Variants in CREG1 observed in about 807,000 individuals in gnomAD.
CREG1 encodes the protein protein CREG1.
CREG1 carries 20 observed loss-of-function variants against 19.9 expected under a neutral mutation model. The ratio of observed to expected loss-of-function variants is 1.01; its 90% CI spans 0.71 to 1.46. CREG1 has a LOEUF of 1.46. CREG1 is among the 40% of genes most tolerant of loss of function. The pLI is 0.00. For missense variants in CREG1, 290 were observed against 314.9 expected (o/e 0.92, Z 0.60); for synonymous variants, 141 against 143.3 (o/e 0.98, Z 0.12).
chr1:167,544,871 G>C (rs1299962257), intron 3 of CREG1, among the ~76,000 whole-genome samples: 1 of 152,146 alleles, frequency 6.6e-6, no homozygotes, highest in African/African-American at 2.4e-5. Flanking sequence ...AGCTGTTATT[G>C]TTACTGTTCT....
chr1:167,549,510 G>T (rs534474478), intron 1 of CREG1, among the ~76,000 whole-genome samples: 1 of 151,666 alleles, frequency 6.6e-6, no homozygotes, highest in Non-Finnish European at 1.5e-5. Flanking sequence ...TCAGCCTCCC[G>T]AGTAGCTGGG....
At chr1:167,542,587 G>C (rs528669441) in intron 3 of CREG1, among the ~76,000 whole-genome samples, 2 of 152,338 alleles carry the variant, frequency 1.3e-5, no homozygotes, top group East Asian at 3.9e-4. Context: ...CTAGGATGTA[G>C]CAAGAAGCAG....
intron 1 of CREG1, among the ~76,000 whole-genome samples, chr1:167,551,820 T>C (rs1656427542): frequency 6.6e-6 from 1 of 152,152 alleles, no homozygotes; most frequent in African/African-American, 2.4e-5. Flanking sequence ...TGAGTTTGTT[T>C]TGAGCAAACG....
At chr1:167,549,655 T>C (rs1295277046) in intron 1 of CREG1, among the ~76,000 whole-genome samples, 1 of 151,956 alleles carries the variant, frequency 6.6e-6, no homozygotes, top group Non-Finnish European at 1.5e-5. Flanking sequence ...AGTGCTGGGA[T>C]TACAGGCGTG....
rs374431703 is a variant in CREG1 at position 167,542,074 on chromosome 1, C to T, written c.*224G>A. 2.8e-5 allele frequency: 12 copies of T among 436,020 alleles called. No individual in the cohort carries two copies. Among genetic ancestry groups the T allele is most frequent in the East Asian group, 6.9e-5 (2 of 28,804 alleles). 27.0% of individuals were successfully genotyped at this position (436,020 alleles called of 1,614,324 possible). ...GAAGGATATTTCTCTACGAAAATGG[C>T]TTCAAAATAGGAAAAAAGTAGCTAC... On this transcript the variant is annotated 3_prime_UTR_variant, in exon 4 of 4. Transcript: ENST00000370509.
At chr1:167,546,365 C>T (rs187670406) in intron 2 of CREG1, 80 bp from the exon 3 acceptor site, 97 of 1,028,004 alleles carry the variant, frequency 9.4e-5, no homozygotes, top group Non-Finnish European at 1.3e-4. Flanking sequence ...GTGATTAGGC[C>T]GGGTGCAGTG....
At chr1:167,552,989 G>A (rs1656445462) in intron 1 of CREG1, among the ~76,000 whole-genome samples, 1 of 151,090 alleles carries the variant, frequency 6.6e-6, no homozygotes, top group Non-Finnish European at 1.5e-5. Flanking sequence ...AGAGGTTGCA[G>A]TAAGCTGAGA....
At chr1:167,544,262 A>G (rs2102149001) in intron 3 of CREG1, among the ~76,000 whole-genome samples, 1 of 152,200 alleles carries the variant, frequency 6.6e-6, no homozygotes, top group South Asian at 2.1e-4. Flanking sequence ...GAGCCAGACA[A>G]TCATTCCTAA....
chr1:167,552,716 G>A (rs1477764938), intron 1 of CREG1, among the ~76,000 whole-genome samples: 1 of 152,220 alleles, frequency 6.6e-6, no homozygotes, highest in African/African-American at 2.4e-5. Context: ...AAGTGCTTAA[G>A]TACCTAACAA....
In CREG1 at chr1:167,542,131, A is replaced by G. The variant is rs1262334666; in HGVS notation, c.*167T>C. On this transcript the variant is annotated 3_prime_UTR_variant, in exon 4 of 4. Coordinates refer to ENST00000370509, the MANE Select transcript of CREG1 (RefSeq NM_003851.3). ...TTCCAGGAAATCCAATAACAGGTCA[A>G]CTCTATTGGTAAACAAGCAAGTAAA... 3.6e-6 allele frequency: 2 copies of G among 560,474 alleles called. No individual in the cohort carries two copies. The highest frequency in any genetic ancestry group is 6.2e-5 in the Admixed American group (2 of 32,478). The allele number at this position is 560,474 out of a possible 1,614,324, so 34.7% of individuals were successfully genotyped here.
chr1:167,547,869 C>T (rs1278588396), intron 2 of CREG1, 133 bp downstream of exon 2: 12 of 955,616 alleles, frequency 1.3e-5, no homozygotes, highest in East Asian at 5.6e-5. Flanking sequence ...TGCAGTAAGC[C>T]GAGATCACAC....
chr1:167,550,655 C>T (rs1224953257), intron 1 of CREG1, among the ~76,000 whole-genome samples: 1 of 152,086 alleles, frequency 6.6e-6, no homozygotes, highest in Non-Finnish European at 1.5e-5. Context: ...AGATCAAAAG[C>T]AGCTTGTTTC....
In CREG1 at chr1:167,553,383, C is replaced by G. The variant is rs1656456817; in HGVS notation, c.354+5G>C. ...CGCCTGGGGAAGCCGCGGGCCCCAG[C>G]TCACCTGCAGGTTGCTCACGGAGAG... On this transcript the variant is annotated splice_donor_5th_base_variant and intron_variant, in intron 1 of 3. Coordinates refer to ENST00000370509, the MANE Select transcript of CREG1 (RefSeq NM_003851.3). The G allele has an allele frequency of 7.2e-7, 1 of 1,387,698 alleles. No individual in the cohort carries two copies. Among genetic ancestry groups the G allele is most frequent in the South Asian group, 1.5e-5 (1 of 64,846 alleles). 86.0% of individuals were successfully genotyped at this position (1,387,698 alleles called of 1,614,324 possible).
At position 167,553,483 on chromosome 1, in the gene CREG1, C is replaced by T; in HGVS notation, c.259G>A (p.Asp87Asn). Residue 87 changes from aspartate to asparagine, a missense_variant, in exon 1 of 4, where the codon GAC (aspartate) becomes AAC (asparagine). Asp to Asn is a conservative substitution (Grantham distance 23). Transcript: ENST00000370509. ...LEAVRGRPFA[D>N]VLSLSDGPPG... ...GGCCCGTCGCTGAGCGAGAGGACGTCGGCGAAGGGCCGGCCGCGCACCGCC... is the reference window on the plus strand; with the variant it reads ...GGCCCGTCGCTGAGCGAGAGGACGTTGGCGAAGGGCCGGCCGCGCACCGCC... The T allele has an allele frequency of 3.4e-6, 5 of 1,488,016 alleles. No homozygotes were observed. Among genetic ancestry groups the T allele is most frequent in the Admixed American group, 2.2e-5 (1 of 44,670 alleles). 92.2% of individuals were successfully genotyped at this position (1,488,016 alleles called of 1,614,324 possible).
intron 1 of CREG1, among the ~76,000 whole-genome samples, chr1:167,551,771 G>C (rs1209583211): frequency 6.6e-6 from 1 of 152,192 alleles, no homozygotes; most frequent in Non-Finnish European, 1.5e-5. Flanking sequence ...AGGTGACTAT[G>C]ATTTGCAGTC....
At chr1:167,547,886 A>C in intron 2 of CREG1, 116 bp downstream of exon 2, 1 of 1,183,662 alleles carries the variant, frequency 8.4e-7, no homozygotes, top group Non-Finnish European at 1.2e-6. Flanking sequence ...ACACCACTGC[A>C]CTCCAGCCTG....
Position 167,553,492 on chromosome 1 carries a change from G to A in CREG1, c.250C>T (p.Pro84Ser). Residue 84 changes from proline (P) to serine (S), a missense_variant, in exon 1 of 4, where the codon CCC (proline) becomes TCC (serine). Physicochemically the swap from Pro to Ser is moderately conservative, Grantham distance 74. Coordinates refer to ENST00000370509, the MANE Select transcript of CREG1 (RefSeq NM_003851.3). ...CTGAGCGAGAGGACGTCGGCGAAGGGCCGGCCGCGCACCGCCTCCAGCGTG... is the reference window on the plus strand; with the variant it reads ...CTGAGCGAGAGGACGTCGGCGAAGGACCGGCCGCGCACCGCCTCCAGCGTG... ...ISTLEAVRGR[P>S]FADVLSLSDG... is the part of the protein sequence containing the mutation. 1.3e-6 allele frequency: 2 copies of A among 1,490,508 alleles called. No individual in the cohort carries two copies. Among genetic ancestry groups the A allele is most frequent in the African/African-American group, 2.9e-5 (2 of 68,820 alleles). 92.3% of individuals were successfully genotyped at this position (1,490,508 alleles called of 1,614,324 possible).
chr1:167,546,088 T>C lies in CREG1; in HGVS notation c.659+13A>G. 1 of 1,580,670 alleles carries C rather than the reference T, an allele frequency of 6.3e-7. No homozygotes were observed. Among genetic ancestry groups the C allele is most frequent in the Non-Finnish European group, 8.6e-7 (1 of 1,163,588 alleles). On this transcript the variant is annotated intron_variant, in intron 3 of 3. Transcript: ENST00000370509. ...GGGCGGCAATCTTAGGTGAAAGATGTGTAAGTACTTACTGAACTGTGACAT... is the reference window on the plus strand; with the variant it reads ...GGGCGGCAATCTTAGGTGAAAGATGCGTAAGTACTTACTGAACTGTGACAT...
chr1:167,553,408 G>A lies in CREG1; in HGVS notation c.334C>T (p.Leu112Phe). The A allele has an allele frequency of 6.9e-7, 1 of 1,448,654 alleles. No homozygotes were observed. Among genetic ancestry groups the A allele is most frequent in the Non-Finnish European group, 9.0e-7 (1 of 1,105,734 alleles). 89.7% of individuals were successfully genotyped at this position (1,448,654 alleles called of 1,614,324 possible). The change falls in exon 1 of 4, where the codon CTC becomes TTC. Residue 112 changes from leucine to phenylalanine, a missense_variant. Physicochemically the swap from Leu to Phe is conservative, Grantham distance 22 (BLOSUM62 0). Coordinates refer to ENST00000370509, the MANE Select transcript of CREG1 (RefSeq NM_003851.3). ...VPYFYLSPLQ[L>F]SVSNLQENPY... ...CTCACCTGCAGGTTGCTCACGGAGA[G>A]CTGCAGCGGGCTCAGGTAGAAATAG...
Sources: gnomAD v4.1 joint callset for allele counts (sites outside exome capture counted in the v4.1 genomes callset) on GRCh38, gnomAD v4.1.1 for gene constraint, MANE v1.5 for transcripts, NCBI Gene and HGNC (gene_info 2026-07-23, HGNC 2026-07-21) for gene names.